Variants in COL9A1 observed in about 807,000 individuals in gnomAD.
COL9A1 encodes collagen alpha-1(IX) chain.
Under a neutral mutation model 142.6 loss-of-function variants are expected in COL9A1, and 104 were observed. That is an observed-to-expected ratio of 0.73 (90% CI 0.62 to 0.86). COL9A1 has a LOEUF of 0.86. Ranked by LOEUF, COL9A1 falls within the 40% of genes least tolerant of loss-of-function variation. The probability of loss-of-function intolerance (pLI) is 0.00; values close to 1 mark genes in which losing one functional copy is unlikely to be tolerated. For missense variants in COL9A1, 1,210 were observed against 1,176.6 expected (o/e 1.03, Z -0.42); for synonymous variants, 466 against 396.0 (o/e 1.18, Z -2.10).
intron 29 of COL9A1, 78 bp from the exon 30 acceptor site, chr6:70,242,113 T>C: frequency 8.4e-7 from 1 of 1,186,928 alleles, no homozygotes; most frequent in South Asian, 1.3e-5. Context: ...CAACCTTGGG[T>C]GTGTTGACTT....
intron 19 of COL9A1, among the ~76,000 whole-genome samples, chr6:70,261,378 C>A (rs201670088): frequency 1.4e-5 from 1 of 72,048 alleles, no homozygotes; most frequent in African/African-American, 6.5e-5. Flanking sequence ...GACTCTCTGG[C>A]CCCCATACTA....
intron 5 of COL9A1, among the ~76,000 whole-genome samples, chr6:70,286,125 G>T (rs987507093): frequency 6.6e-6 from 1 of 152,154 alleles, no homozygotes; most frequent in Non-Finnish European, 1.5e-5. Context: ...TTGACATCTT[G>T]ATCCGCCTGC....
chr6:70,255,797 A>G (rs534258), intron 21 of COL9A1, among the ~76,000 whole-genome samples: 58,423 of 152,014 alleles, frequency 0.38, 11,536 homozygotes, highest in African/African-American at 0.42. Context: ...CAATATTAGT[A>G]ATTTCTGTCG....
At chr6:70,282,867 A>G (rs1329603323) in intron 7 of COL9A1, 31 bp downstream of exon 7, 1 of 1,613,986 alleles carries the variant, frequency 6.2e-7, no homozygotes, top group African/African-American at 1.3e-5. Flanking sequence ...GTGCGCTTGA[A>G]AAATGCAAAC....
chr6:70,258,385 G>A (rs778725912), intron 20 of COL9A1, among the ~76,000 whole-genome samples: 1 of 152,152 alleles, frequency 6.6e-6, no homozygotes, highest in Non-Finnish European at 1.5e-5. Context: ...AAACCAGGTG[G>A]ACGGCATGTG....
In COL9A1 at chr6:70,224,543, GAGA is replaced by G. The variant is rs548672965; in HGVS notation, c.2581+1386_2581+1388del. On this transcript the variant is annotated intron_variant, in intron 37 of 37. Coordinates refer to ENST00000357250, the MANE Select transcript of COL9A1 (RefSeq NM_001851.6). ...GTTAAGCGATTTGTCAATAAAATGAGAGAAGAAGGAGTTATTAGGCTTTCTCAT... is the reference window on the plus strand; with the variant it reads ...GTTAAGCGATTTGTCAATAAAATGAGAGAAGGAGTTATTAGGCTTTCTCAT... Among the ~76,000 whole-genome samples the G allele has an allele frequency of 2.3e-4, 35 of 152,320 alleles. No individual in the cohort carries two copies. In the East Asian group the frequency reaches 5.8e-3, roughly 25 times the overall value.
At chr6:70,259,240 G>A (rs1035478876) in intron 20 of COL9A1, among the ~76,000 whole-genome samples, 2 of 152,100 alleles carry the variant, frequency 1.3e-5, no homozygotes, top group Admixed American at 1.3e-4. Context: ...CATTTATTGA[G>A]CATGTACAAC....
At chr6:70,273,650 A>G (rs1009568374) in intron 12 of COL9A1, among the ~76,000 whole-genome samples, 1 of 152,174 alleles carries the variant, frequency 6.6e-6, no homozygotes, top group African/African-American at 2.4e-5. Context: ...ATATTTCATT[A>G]GAGATAAAAC....
In COL9A1 at chr6:70,300,360, CATTAGA is replaced by C. The variant is rs755245889; in HGVS notation, c.109_114del (p.Ser37_Asn38del). ...ATCTTTGGACAGAGTTCATTTCCAC[CATTAGA>C]ATTGGAATTGACAGGGAATCCTGCA... On this transcript the variant is annotated inframe_deletion, in exon 3 of 38. Transcript: ENST00000357250. 1 of 1,613,262 alleles carries C rather than the reference CATTAGA, an allele frequency of 6.2e-7. No individual in the cohort carries two copies. Among genetic ancestry groups the C allele is most frequent in the Non-Finnish European group, 8.5e-7 (1 of 1,179,562 alleles).
At chr6:70,256,369 C>G (rs1771297079) in intron 21 of COL9A1, among the ~76,000 whole-genome samples, 1 of 151,860 alleles carries the variant, frequency 6.6e-6, no homozygotes, top group African/African-American at 2.4e-5. Flanking sequence ...TTGAGGAAAC[C>G]TAAAATAATG....
intron 37 of COL9A1, among the ~76,000 whole-genome samples, chr6:70,219,334 G>T (rs894862918): frequency 6.6e-6 from 1 of 152,112 alleles, no homozygotes; most frequent in African/African-American, 2.4e-5. Context: ...TCAGGGGTGG[G>T]CAAACTTCAG....
At chr6:70,271,078 C>T (rs1013329891) in intron 14 of COL9A1, among the ~76,000 whole-genome samples, 26 of 152,270 alleles carry the variant, frequency 1.7e-4, no homozygotes, top group Non-Finnish European at 2.4e-4. Flanking sequence ...AAACAGTAAG[C>T]ACATGTAGAG....
Position 70,300,062 on chromosome 6 carries a change from C to T in COL9A1, c.280G>A (p.Asp94Asn). The T allele has an allele frequency of 6.2e-7, 1 of 1,613,820 alleles. No individual in the cohort carries two copies. The highest frequency in any genetic ancestry group is 1.1e-5 in the South Asian group (1 of 91,074). ...QVAYKLGNNV[D>N]FRIPTRNLYP... ...GATTACCTAGTTGGAATCCTGAAGT[C>T]TACATTATTTCCCAACTTGTAAGCC... The change falls in exon 4 of 38, where the codon GAC becomes AAC. Residue 94 changes from aspartate (D) to asparagine (N), a missense_variant. By Grantham distance (23) the Asp-to-Asn change is conservative. Transcript: ENST00000357250.
intron 36 of COL9A1, among the ~76,000 whole-genome samples, chr6:70,227,395 C>T (rs1769291340): frequency 8.6e-6 from 1 of 116,762 alleles, no homozygotes; most frequent in Non-Finnish European, 1.6e-5. Flanking sequence ...TCCCTGACTT[C>T]ACTCTCATAA....
intron 14 of COL9A1, 105 bp downstream of exon 14, chr6:70,271,550 G>C: frequency 1.1e-6 from 1 of 886,662 alleles, no homozygotes; most frequent in Admixed American, 1.8e-5. Flanking sequence ...CATCTGCCAT[G>C]TTTTGGTTTG....
Position 70,283,799 on chromosome 6 carries a change from T to C in COL9A1, c.718A>G (p.Ile240Val). The change falls in exon 6 of 38, where the codon ATC (isoleucine) becomes GTC (valine). Residue 240 changes from isoleucine (I) to valine (V), a missense_variant. By Grantham distance (29) the Ile-to-Val change is conservative. Transcript: ENST00000357250. Reference protein sequence around the residue: ...SVPFELQWMLIHCDPLRPRRE... With the variant: ...SVPFELQWMLVHCDPLRPRRE... The stretch of plus-strand genomic sequence containing the variant: ...CTGGGCCGCAGGGGGTCACAATGGA[T>C]CAGCATCCATTGAAGTTCAAACTGG... The C allele has an allele frequency of 6.2e-7, 1 of 1,609,454 alleles. No homozygotes were observed. Among genetic ancestry groups the C allele is most frequent in the Non-Finnish European group, 8.5e-7 (1 of 1,177,934 alleles).
At chr6:70,277,520 T>A (rs560196195) in intron 10 of COL9A1, among the ~76,000 whole-genome samples, 1 of 152,320 alleles carries the variant, frequency 6.6e-6, no homozygotes, top group African/African-American at 2.4e-5. Context: ...TGCCTTCATA[T>A]GAATATTCAT....
rs543323636 is a variant in COL9A1, at chr6:70,296,763, T to C, written c.300-2200A>G. Among the ~76,000 whole-genome samples, 6 of 152,240 alleles carry C rather than the reference T, an allele frequency of 3.9e-5. No individual in the cohort carries two copies. The East Asian group carries it at 1.2e-3, about 29-fold the overall frequency. Reference sequence around the variant, plus strand: ...TTGTGAAATTGGGCAAGTGTCCATTTAAATTATAAATAGATTATTTTGATT... The same window carrying C: ...TTGTGAAATTGGGCAAGTGTCCATTCAAATTATAAATAGATTATTTTGATT... On this transcript the variant is annotated intron_variant, in intron 4 of 37. Coordinates refer to ENST00000357250, the MANE Select transcript of COL9A1 (RefSeq NM_001851.6).
intron 35 of COL9A1, 62 bp from the exon 36 acceptor site, chr6:70,232,833 AAG>A: frequency 6.6e-7 from 1 of 1,513,178 alleles, no homozygotes; most frequent in African/African-American, 1.4e-5. Context: ...TTCTAATGAA[AAG>A]AGAGGTATTC....
Sources: gnomAD v4.1 joint callset for allele counts (sites outside exome capture counted in the v4.1 genomes callset) on GRCh38, gnomAD v4.1.1 for gene constraint, MANE v1.5 for transcripts, NCBI Gene and HGNC (gene_info 2026-07-23, HGNC 2026-07-21) for gene names.